The following PLXNA4 variants were observed in gnomAD, a reference collection of about 807,000 sequenced individuals.
PLXNA4 encodes the protein plexin-A4.
Under a neutral mutation model 191.8 loss-of-function variants are expected in PLXNA4, and 44 were observed. The observed-to-expected ratio is 0.23, with a 90% CI of 0.18 to 0.29. The LOEUF (loss-of-function observed/expected upper bound fraction) is 0.29, where lower values mean the gene tolerates loss of function less well. PLXNA4 is among the 10% of genes least tolerant of loss of function. The probability of loss-of-function intolerance (pLI) is 1.00; values close to 1 mark genes in which losing one functional copy is unlikely to be tolerated. For synonymous variants in PLXNA4, 1,082 were observed against 1,009.5 expected (o/e 1.07, Z -1.36); for missense variants, 1,800 against 2,488.8 (o/e 0.72, Z 5.89).
chr7:132,155,095 G>A (rs1795753384), intron 25 of PLXNA4, among the ~76,000 whole-genome samples: 1 of 152,182 alleles, frequency 6.6e-6, no homozygotes, highest in Non-Finnish European at 1.5e-5. Flanking sequence ...CTTTCAGCTT[G>A]CTCGACTTGA....
rs1299799627 is a variant in PLXNA4, at chr7:132,395,848, A to G, written c.1371+93444T>C. Among the ~76,000 whole-genome samples the G allele has an allele frequency of 2.6e-5, 4 of 152,256 alleles. No homozygotes were observed. The East Asian group carries it at 7.7e-4, about 29-fold the overall frequency. On this transcript the variant is annotated intron_variant, in intron 3 of 31. Coordinates refer to ENST00000321063, the MANE Select transcript of PLXNA4 (RefSeq NM_020911.2). ...AAGCCAGTTAGCAGCCTGATTCCAA[A>G]TTAGAGTTTCTCCCATTATACCTAT...
chr7:132,239,993 G>T (rs1313605348), intron 5 of PLXNA4, among the ~76,000 whole-genome samples: 2 of 152,108 alleles, frequency 1.3e-5, no homozygotes, highest in Non-Finnish European at 2.9e-5. Flanking sequence ...AGTTTAAGAG[G>T]GTGTTTCCGA....
chr7:132,446,720 A>G (rs79021641), intron 3 of PLXNA4, among the ~76,000 whole-genome samples: 6,629 of 152,294 alleles, frequency 0.044, 474 homozygotes, highest in African/African-American at 0.15. Context: ...ACCCCACCCT[A>G]TCCGAATTCC....
At position 132,469,132 on chromosome 7, in the gene PLXNA4, AAAAAAAAG is replaced by A. The variant is rs1227968034; in HGVS notation, c.1371+20152_1371+20159del. On this transcript the variant is annotated intron_variant, in intron 3 of 31. Coordinates refer to ENST00000321063, the MANE Select transcript of PLXNA4 (RefSeq NM_020911.2). Reference sequence around the variant, plus strand: ...ATGCACACCAACCAAAAAAAAAAAAAAAAAAAAGAAAGAAAGAAAGAAAAAAAAAAGAA... The same window carrying A: ...ATGCACACCAACCAAAAAAAAAAAAAAAAGAAAGAAAGAAAAAAAAAAGAA... Among the ~76,000 whole-genome samples, 357 of 150,770 alleles carry A rather than the reference AAAAAAAAG, an allele frequency of 2.4e-3. 4 individuals carry two copies. In the East Asian group the frequency reaches 0.051, roughly 22 times the overall value.
chr7:132,575,257 G>A (rs1329978535), intron 1 of PLXNA4, among the ~76,000 whole-genome samples: 2 of 152,190 alleles, frequency 1.3e-5, no homozygotes, highest in East Asian at 3.9e-4. Flanking sequence ...TGAGCAGCCT[G>A]TGAAATTCCA....
In PLXNA4 at chr7:132,202,626, G is replaced by A. The variant is rs756632322; in HGVS notation, c.2586+20C>T. The A allele has an allele frequency of 6.9e-6, 10 of 1,448,874 alleles. No individual in the cohort carries two copies. Among genetic ancestry groups the A allele is most frequent in the African/African-American group, 2.9e-5 (2 of 69,358 alleles). 89.8% of individuals were successfully genotyped at this position (1,448,874 alleles called of 1,614,324 possible). ...CCTGGAGCCTGCCCATTTGGAGCAG[G>A]AGGCCCGACCCCGGCTTACCTCTGT... On this transcript the variant is annotated intron_variant, in intron 12 of 31. Coordinates refer to ENST00000321063, the MANE Select transcript of PLXNA4 (RefSeq NM_020911.2).
intron 1 of PLXNA4, among the ~76,000 whole-genome samples, chr7:132,563,201 TCCTC>T (rs1801412304): frequency 1.5e-5 from 1 of 65,842 alleles, no homozygotes; most frequent in Non-Finnish European, 3.2e-5. Context: ...CTCCTCCTCT[TCCTC>T]CTCCTCCTCC....
chr7:132,512,348 T>C (rs929475057), intron 1 of PLXNA4, among the ~76,000 whole-genome samples: 5 of 152,358 alleles, frequency 3.3e-5, no homozygotes, highest in African/African-American at 1.2e-4. Flanking sequence ...AAGAATCCTA[T>C]AATTACGAAT....
intron 3 of PLXNA4, among the ~76,000 whole-genome samples, chr7:132,475,539 C>A (rs749446263): frequency 6.6e-6 from 1 of 152,120 alleles, no homozygotes; most frequent in African/African-American, 2.4e-5. Context: ...CCCCTGCCCC[C>A]GCACAGAACA....
At chr7:132,327,221 C>T (rs1039178540) in intron 3 of PLXNA4, among the ~76,000 whole-genome samples, 1 of 151,372 alleles carries the variant, frequency 6.6e-6, no homozygotes, top group African/African-American at 2.4e-5. Context: ...AGCTTTGCAA[C>T]CCCAGGCTCT....
chr7:132,332,448 A>T (rs1011269762), intron 3 of PLXNA4, among the ~76,000 whole-genome samples: 2 of 152,152 alleles, frequency 1.3e-5, no homozygotes, highest in Non-Finnish European at 2.9e-5. Context: ...AGATGGTGCG[A>T]GCTAGGGAAG....
rs558966739 is a variant in PLXNA4, at chr7:132,511,074, G to A, written c.-86-2295C>T. 2.5e-4 allele frequency among the ~76,000 whole-genome samples: 38 copies of A among 152,274 alleles called. No homozygotes were observed. The South Asian group carries it at 7.5e-3, about 30-fold the overall frequency. On this transcript the variant is annotated intron_variant, in intron 1 of 31. Transcript: ENST00000321063. The stretch of plus-strand genomic sequence containing the variant: ...AGGGTCTGTGAACTCCACAGGGCAG[G>A]GCTGGGTCTGTCTTGCTCGTCAACA...
chr7:132,597,886 A>C (rs1300669976), intron 2 of PLXNA4, among the ~76,000 whole-genome samples: 1 of 149,572 alleles, frequency 6.7e-6, no homozygotes, highest in Non-Finnish European at 1.5e-5. Context: ...TCCAATCTGT[A>C]ATTTTTAACT....
chr7:132,377,941 G>A (rs1350846176), intron 3 of PLXNA4, among the ~76,000 whole-genome samples: 1 of 152,086 alleles, frequency 6.6e-6, no homozygotes, highest in African/African-American at 2.4e-5. Context: ...TGAAACTGTG[G>A]TATGGGAGAG....
In PLXNA4 at chr7:132,576,163, A is replaced by G. The variant is rs76649543; in HGVS notation, c.-87+259T>C. Among the ~76,000 whole-genome samples the G allele has an allele frequency of 0.038, 5,813 of 152,338 alleles. 260 individuals carry two copies. Among genetic ancestry groups the G allele is most frequent in the African/African-American group, 0.1 (4,316 of 41,570 alleles). On this transcript the variant is annotated intron_variant, in intron 1 of 31. Coordinates refer to ENST00000321063, the MANE Select transcript of PLXNA4 (RefSeq NM_020911.2). The surrounding 1 kb of genome is among the most constrained non-coding windows in gnomAD (Gnocchi z 5.8). ...TCCCGGGAAAGAGAAGTCTGAGTCC[A>G]GGAGCGTGAGAGGAGAACACACCCG...
chr7:132,408,220 G>T (rs1362738264), intron 3 of PLXNA4, among the ~76,000 whole-genome samples: 1 of 152,002 alleles, frequency 6.6e-6, no homozygotes, highest in Non-Finnish European at 1.5e-5. Flanking sequence ...CAAAAAGTGG[G>T]GAAGTTAGTT....
chr7:132,510,924 G>A (rs1798687671), intron 1 of PLXNA4, among the ~76,000 whole-genome samples: 1 of 152,230 alleles, frequency 6.6e-6, no homozygotes, highest in South Asian at 2.1e-4. Flanking sequence ...CTGGGAAGTT[G>A]AGACTGAAAT....
intron 1 of PLXNA4, among the ~76,000 whole-genome samples, chr7:132,561,754 C>T (rs1563173049): frequency 7.1e-6 from 1 of 141,784 alleles, no homozygotes; most frequent in Non-Finnish European, 1.5e-5. Context: ...TTCTTCTCCT[C>T]CTCCTCCTTC....
At chr7:132,225,528 C>T (rs1798287077) in intron 8 of PLXNA4, among the ~76,000 whole-genome samples, 1 of 152,182 alleles carries the variant, frequency 6.6e-6, no homozygotes, top group African/African-American at 2.4e-5. Context: ...AGAGCCTCGG[C>T]CCTCCCCACC....
Sources: allele counts gnomAD v4.1 joint callset (sites outside exome capture counted in the v4.1 genomes callset), GRCh38; gene constraint gnomAD v4.1.1; non-coding constraint Gnocchi (gnomAD v3.1); transcripts MANE v1.5; gene names NCBI Gene and HGNC (gene_info 2026-07-23, HGNC 2026-07-21).